The following ANO6 variants were observed in gnomAD, a reference collection of about 807,000 sequenced individuals.
ANO6 encodes the protein anoctamin-6.
A neutral mutation model predicts 117.5 loss-of-function variants in ANO6; 106 were observed. The observed-to-expected ratio is 0.90, with a 90% CI of 0.77 to 1.06. The LOEUF is 1.06. ANO6 is among the 50% of genes least tolerant of loss of function. The probability of loss-of-function intolerance (pLI) is 0.00; values close to 1 mark genes in which losing one functional copy is unlikely to be tolerated. For missense variants in ANO6, 955 were observed against 1,121.1 expected (o/e 0.85, Z 2.12); for synonymous variants, 367 against 385.1 (o/e 0.95, Z 0.55).
intron 12 of ANO6, among the ~76,000 whole-genome samples, chr12:45,395,512 AT>A (rs1340784360): frequency 6.6e-6 from 1 of 152,224 alleles, no homozygotes; most frequent in African/African-American, 2.4e-5. Context: ...TCATCCTGAT[AT>A]CAAAGCCTGG....
chr12:45,319,915 G>T (rs1483298566), intron 2 of ANO6, among the ~76,000 whole-genome samples: 6 of 152,116 alleles, frequency 3.9e-5, no homozygotes, highest in African/African-American at 1.4e-4. Flanking sequence ...AGAAGTGTTT[G>T]TAGTATTCTC....
chr12:45,380,555 A>G (rs1034725884), intron 10 of ANO6, among the ~76,000 whole-genome samples: 1 of 152,136 alleles, frequency 6.6e-6, no homozygotes, highest in Non-Finnish European at 1.5e-5. Flanking sequence ...TCCTGCTACC[A>G]CCACCCTGAC....
rs556963884 is a variant in ANO6, at chr12:45,343,211, C to G, written c.280-3811C>G. On this transcript the variant is annotated intron_variant, in intron 3 of 19. Transcript: ENST00000320560. ...GTAATAAGGCCATTGAACAGAGTTA[C>G]ATGATTTTTTTCCCTACCAGCACTT... is the stretch of plus-strand genomic sequence containing the variant. Among the ~76,000 whole-genome samples the G allele has an allele frequency of 1.1e-4, 17 of 152,272 alleles. No homozygotes were observed. In the South Asian group the frequency reaches 3.5e-3, roughly 32 times the overall value.
At chr12:45,257,051 A>G (rs1420068078) in intron 1 of ANO6, among the ~76,000 whole-genome samples, 1 of 152,190 alleles carries the variant, frequency 6.6e-6, no homozygotes, top group East Asian at 1.9e-4. Flanking sequence ...TGAATTAAAA[A>G]AAAAAATCAT....
intron 1 of ANO6, among the ~76,000 whole-genome samples, chr12:45,228,609 G>A (rs1947525669): frequency 6.6e-6 from 1 of 152,146 alleles, no homozygotes; most frequent in African/African-American, 2.4e-5. Context: ...CTCGTGGTTA[G>A]AGTTCTACAT....
At chr12:45,400,166 T>G (rs1235501010) in intron 12 of ANO6, among the ~76,000 whole-genome samples, 1 of 152,240 alleles carries the variant, frequency 6.6e-6, no homozygotes, top group Non-Finnish European at 1.5e-5. Flanking sequence ...AAAAGAGAGA[T>G]AATATTATAC....
At chr12:45,347,882 A>G (rs1281779035) in intron 4 of ANO6, 146 bp from the exon 5 acceptor site, 4 of 773,370 alleles carry the variant, frequency 5.2e-6, no homozygotes, top group Non-Finnish European at 8.1e-6. Flanking sequence ...ATGGTTTGCA[A>G]ATCTGTTTTT....
rs77842646 is a variant in ANO6, at chr12:45,380,504, G to C, written c.1165+2391G>C. Among the ~76,000 whole-genome samples the C allele has an allele frequency of 2.0e-5, 3 of 152,324 alleles. No individual in the cohort carries two copies. The East Asian group carries it at 5.8e-4, about 29-fold the overall frequency. Reference sequence around the variant, plus strand: ...TGCTGTGACTGTTACTTTCAGACCTGTGCTGCTTCTGCTAGGTCCACACCA... The same window carrying C: ...TGCTGTGACTGTTACTTTCAGACCTCTGCTGCTTCTGCTAGGTCCACACCA... On this transcript the variant is annotated intron_variant, in intron 10 of 19. Transcript: ENST00000320560.
intron 1 of ANO6, among the ~76,000 whole-genome samples, chr12:45,217,382 A>G (rs1432723618): frequency 6.6e-6 from 1 of 152,210 alleles, no homozygotes; most frequent in African/African-American, 2.4e-5. Flanking sequence ...GTTGTTATCT[A>G]ATAACTTTAA....
chr12:45,306,868 T>C lies in ANO6; in HGVS notation c.150+4775T>C, dbSNP rs569001439. Among the ~76,000 whole-genome samples the C allele has an allele frequency of 2.6e-5, 4 of 152,144 alleles. No individual in the cohort carries two copies. In the East Asian group the frequency reaches 5.8e-4, roughly 22 times the overall value. ...TGGTGACAGTTTTAAATAGGGTGTT[T>C]AGGGAATATCTCACTGAGAAGTTCC... is the stretch of plus-strand genomic sequence containing the variant. On this transcript the variant is annotated intron_variant, in intron 2 of 19. Coordinates refer to ENST00000320560, the MANE Select transcript of ANO6 (RefSeq NM_001025356.3).
intron 2 of ANO6, among the ~76,000 whole-genome samples, chr12:45,323,690 C>T (rs1394641205): frequency 6.6e-6 from 1 of 152,162 alleles, no homozygotes; most frequent in African/African-American, 2.4e-5. Context: ...ACAATATACA[C>T]ACAAAGGCAC....
At chr12:45,317,840 T>A (rs1307638652) in intron 2 of ANO6, among the ~76,000 whole-genome samples, 1 of 152,206 alleles carries the variant, frequency 6.6e-6, no homozygotes, top group Non-Finnish European at 1.5e-5. Flanking sequence ...GATACCTCAC[T>A]GTGGTTTTGA....
At chr12:45,228,583 G>A (rs1056664576) in intron 1 of ANO6, among the ~76,000 whole-genome samples, 2 of 152,128 alleles carry the variant, frequency 1.3e-5, no homozygotes, top group African/African-American at 4.8e-5. Context: ...GAGGAGGGAA[G>A]ATTAATAGTG....
chr12:45,338,909 CA>C (rs1173505541), intron 3 of ANO6, among the ~76,000 whole-genome samples: 2 of 152,040 alleles, frequency 1.3e-5, no homozygotes, highest in Admixed American at 1.3e-4. Context: ...AACGAGTTCA[CA>C]AAGACATGGA....
intron 15 of ANO6, among the ~76,000 whole-genome samples, chr12:45,407,688 C>G (rs1393531051): frequency 6.6e-6 from 1 of 152,154 alleles, no homozygotes; most frequent in Non-Finnish European, 1.5e-5. Flanking sequence ...CACTTGGCCT[C>G]AGCCAGTGCA....
intron 1 of ANO6, among the ~76,000 whole-genome samples, 177 bp downstream of exon 1, chr12:45,216,568 C>G (rs1020122917): frequency 7.2e-5 from 11 of 152,184 alleles, no homozygotes; most frequent in Admixed American, 5.9e-4. Context: ...GGCCCCGGTG[C>G]GGCCCCTGCG....
At position 45,244,947 on chromosome 12, in the gene ANO6, T is replaced by C. The variant is rs76160741; in HGVS notation, c.70+28556T>C. 9.5e-3 allele frequency among the ~76,000 whole-genome samples: 1,447 copies of C among 152,334 alleles called. 25 individuals are homozygous for C. The highest frequency in any genetic ancestry group is 0.033 in the African/African-American group (1,363 of 41,568). ...ATGCGGTGACAAAAAGGTTCAGCGG[T>C]ATCCCTAGCTTCAAGAGCTAGTATT... On this transcript the variant is annotated intron_variant, in intron 1 of 19. Coordinates refer to ENST00000320560, the MANE Select transcript of ANO6 (RefSeq NM_001025356.3).
chr12:45,423,157 TTTC>T (rs1565772344), intron 19 of ANO6, 95 bp downstream of exon 19: 2 of 907,324 alleles, frequency 2.2e-6, no homozygotes, highest in African/African-American at 1.6e-5. Context: ...TGTGTGATAC[TTTC>T]TTCTTATCAC....
At chr12:45,296,396 TA>T (rs1274987361) in intron 1 of ANO6, among the ~76,000 whole-genome samples, 1 of 152,208 alleles carries the variant, frequency 6.6e-6, no homozygotes, top group African/African-American at 2.4e-5. Flanking sequence ...TTACATCATC[TA>T]GCTCAATCCC....
Sources: gnomAD v4.1 joint callset for allele counts (sites outside exome capture counted in the v4.1 genomes callset) on GRCh38, gnomAD v4.1.1 for gene constraint, MANE v1.5 for transcripts, NCBI Gene and HGNC (gene_info 2026-07-23, HGNC 2026-07-21) for gene names.